STARD13: variants seen among roughly 807,000 people sequenced by gnomAD.
The protein encoded by STARD13 is StAR related lipid transfer domain containing 13.
In STARD13, 62 loss-of-function variants were observed where a neutral mutation model predicts 106.4. The ratio of observed to expected loss-of-function variants is 0.58; its 90% CI spans 0.48 to 0.72. STARD13 has a LOEUF of 0.72. Among genes scored for constraint, STARD13 ranks in the 30% least tolerant of loss-of-function variants. The pLI is 0.00. For missense variants in STARD13, 1,387 were observed against 1,424.0 expected (o/e 0.97, Z 0.42); for synonymous variants, 565 against 553.0 (o/e 1.02, Z -0.31).
At chr13:33,111,217 C>G (rs1189562242) in intron 10 of STARD13, among the ~76,000 whole-genome samples, 1 of 152,186 alleles carries the variant, frequency 6.6e-6, no homozygotes, top group African/African-American at 2.4e-5. Context: ...TGGGCTCAGA[C>G]AACTTTACCC....
At chr13:33,524,271 G>T in the STARD13 span, 6 of 1,278,250 alleles carry the variant, frequency 4.7e-6, no homozygotes, top group Non-Finnish European at 6.1e-6. Flanking sequence ...TTGACATTTG[G>T]CTTGGCACAC....
the STARD13 span, among the ~76,000 whole-genome samples, chr13:33,446,005 C>T: frequency 6.6e-6 from 1 of 151,932 alleles, no homozygotes. Context: ...CCCAATAGAT[C>T]ATGTACAAAT....
At chr13:33,121,669 CTTTTTTTTT>C (rs398022242) in intron 7 of STARD13, among the ~76,000 whole-genome samples, 3 of 110,480 alleles carry the variant, frequency 2.7e-5, no homozygotes, top group Non-Finnish European at 5.2e-5. Flanking sequence ...GTTGTTCATC[CTTTTTTTTT>C]TTTTTTTTTG....
chr13:33,424,958 T>C, the STARD13 span, among the ~76,000 whole-genome samples: 30 of 152,350 alleles, frequency 2.0e-4, no homozygotes, highest in African/African-American at 7.0e-4. Context: ...AAAAAGTGAA[T>C]TAAAACTCTG....
chr13:33,537,163 T>C, the STARD13 span, among the ~76,000 whole-genome samples: 4 of 152,198 alleles, frequency 2.6e-5, no homozygotes, highest in Admixed American at 1.3e-4. Context: ...AATGAACAAG[T>C]TGTTTACATA....
chr13:33,524,183 A>G, the STARD13 span: 23 of 1,051,194 alleles, frequency 2.2e-5, no homozygotes, highest in Middle Eastern at 5.0e-4. Flanking sequence ...ATTACACCGT[A>G]TGAACAGGGC....
intron 1 of STARD13, among the ~76,000 whole-genome samples, chr13:33,204,992 T>A (rs1224498690): frequency 6.6e-6 from 1 of 152,244 alleles, no homozygotes; most frequent in Non-Finnish European, 1.5e-5. Context: ...GGACCTCCTG[T>A]GAGCCCCCTG....
chr13:33,517,914 G>A, the STARD13 span, among the ~76,000 whole-genome samples: 1 of 151,674 alleles, frequency 6.6e-6, no homozygotes, highest in Non-Finnish European at 1.5e-5. Flanking sequence ...CCCTGTCTCT[G>A]TGTCCTGTCT....
chr13:33,126,061 C>CT lies in STARD13; in HGVS notation c.2082+19_2082+20insA, dbSNP rs779969790. On this transcript the variant is annotated intron_variant, in intron 7 of 13. Transcript: ENST00000336934. ...ATGGTTGGGGGTGGTGGGGCAGCAG[C>CT]GGGGGGGTTACAGCCCTACCTGATC... 3.7e-6 allele frequency: 6 copies of CT among 1,609,446 alleles called. No individual in the cohort carries two copies. Among genetic ancestry groups the CT allele is most frequent in the African/African-American group, 1.3e-5 (1 of 74,818 alleles).
chr13:33,209,459 C>CTTTTTTT (rs59609576), intron 1 of STARD13, among the ~76,000 whole-genome samples: 1 of 149,016 alleles, frequency 6.7e-6, no homozygotes, highest in African/African-American at 2.5e-5. Context: ...CTCTCTCTCT[C>CTTTTTTT]TTTTTTTTTT....
chr13:33,557,474 G>A, the STARD13 span, among the ~76,000 whole-genome samples: 2 of 151,952 alleles, frequency 1.3e-5, no homozygotes, highest in South Asian at 2.1e-4. Context: ...ATCTTATTCA[G>A]GGAAATTATT....
upstream of STARD13, among the ~76,000 whole-genome samples, chr13:33,354,897 T>C (rs2078110949): frequency 6.6e-6 from 1 of 152,018 alleles, no homozygotes; most frequent in Admixed American, 6.5e-5. Context: ...ATTTTTTTCC[T>C]TGCATATTAA....
the STARD13 span, among the ~76,000 whole-genome samples, chr13:33,622,219 G>A: frequency 6.6e-6 from 1 of 152,102 alleles, no homozygotes; most frequent in African/African-American, 2.4e-5. Flanking sequence ...TCATTTATGG[G>A]GCGAAAATAA....
chr13:33,482,224 G>A, the STARD13 span, among the ~76,000 whole-genome samples: 6 of 152,016 alleles, frequency 3.9e-5, no homozygotes, highest in African/African-American at 1.2e-4. Flanking sequence ...AAACAGTATC[G>A]GCATGAGTCA....
chr13:33,399,511 A>T, the STARD13 span, among the ~76,000 whole-genome samples: 1 of 151,918 alleles, frequency 6.6e-6, no homozygotes, highest in Non-Finnish European at 1.5e-5. Flanking sequence ...TGGCTAACAC[A>T]GTGAAACCCC....
intron 1 of STARD13, among the ~76,000 whole-genome samples, chr13:33,216,956 CT>C (rs1203464678): frequency 6.6e-6 from 1 of 152,130 alleles, no homozygotes; most frequent in Non-Finnish European, 1.5e-5. Context: ...GAATCAAGGC[CT>C]TTAGTTTTGG....
chr13:33,498,262 C>CT, the STARD13 span, among the ~76,000 whole-genome samples: 1 of 152,158 alleles, frequency 6.6e-6, no homozygotes. Context: ...TTCTCCTCTG[C>CT]TAAGTGCACA....
At chr13:33,449,430 T>C in the STARD13 span, among the ~76,000 whole-genome samples, 1 of 152,188 alleles carries the variant, frequency 6.6e-6, no homozygotes. Flanking sequence ...TGGATTTATT[T>C]CTGGATTTTT....
chr13:33,116,095 C>T (rs1287662968), intron 8 of STARD13, among the ~76,000 whole-genome samples: 1 of 152,204 alleles, frequency 6.6e-6, no homozygotes, highest in African/African-American at 2.4e-5. Context: ...ATCAAGCATA[C>T]ACTCCTTGCC....
Sources: gnomAD v4.1 joint callset for allele counts (sites outside exome capture counted in the v4.1 genomes callset) on GRCh38, gnomAD v4.1.1 for gene constraint, MANE v1.5 for transcripts, NCBI Gene and HGNC (gene_info 2026-07-23, HGNC 2026-07-21) for gene names.